CHRNA1: variants seen among roughly 807,000 people sequenced by gnomAD.
The protein encoded by CHRNA1 is acetylcholine receptor subunit alpha.
In CHRNA1, 35 loss-of-function variants were observed where a neutral mutation model predicts 47.1. That is an observed-to-expected ratio of 0.74 (90% CI 0.57 to 0.99). The LOEUF (loss-of-function observed/expected upper bound fraction) is 0.99, where lower values mean the gene tolerates loss of function less well. Ranked by LOEUF, CHRNA1 falls within the 50% of genes least tolerant of loss-of-function variation. The pLI, the probability that CHRNA1 is intolerant of heterozygous loss-of-function variation, is 0.00. For missense variants in CHRNA1, 506 were observed against 591.1 expected, an observed-to-expected ratio of 0.86 and a Z score of 1.49; for synonymous variants, 229 against 223.6, an observed-to-expected ratio of 1.02 and a Z score of -0.22.
At chr2:174,759,449 T>C (rs988366900) in intron 2 of CHRNA1, 39 bp downstream of exon 2, 1 of 1,613,450 alleles carries the variant, frequency 6.2e-7, no homozygotes, top group African/African-American at 1.3e-5. Context: ...GGGTGAGAGG[T>C]GTGGGTGTGT....
At chr2:174,752,606 C>A (rs1683878444) in intron 6 of CHRNA1, 1 of 152,314 alleles carries the variant, frequency 6.6e-6, no homozygotes, top group Non-Finnish European at 1.5e-5. Context: ...AATGCAGTCA[C>A]TGGAACATGC....
chr2:174,758,649 G>A (rs1027324542), intron 3 of CHRNA1, among the ~76,000 whole-genome samples: 19 of 152,096 alleles, frequency 1.2e-4, no homozygotes, highest in South Asian at 4.2e-4. Context: ...TGGGAAAGGA[G>A]TACTCCACCT....
chr2:174,750,197 A>G (rs1437777404), intron 6 of CHRNA1, 28 bp from the exon 7 acceptor site: 3 of 852,242 alleles, frequency 3.5e-6, no homozygotes, highest in Non-Finnish European at 5.5e-6. Flanking sequence ...AAAAAAAAAA[A>G]TCCCACAACT....
At chr2:174,753,030 T>G (rs1041016036) in intron 6 of CHRNA1, 10 of 251,358 alleles carry the variant, frequency 4.0e-5, no homozygotes, top group Non-Finnish European at 7.1e-5. Context: ...GGGTCTTGTG[T>G]GTGAAGATGC....
intron 6 of CHRNA1, 164 bp downstream of exon 6, chr2:174,753,339 G>A: frequency 1.2e-6 from 1 of 800,664 alleles, no homozygotes; most frequent in Non-Finnish European, 2.3e-6. Flanking sequence ...CACTCACAGT[G>A]ACTCTCACCA....
In CHRNA1 at chr2:174,748,597, C is replaced by T. The variant is rs1683782686; in HGVS notation, c.1225G>A (p.Asp409Asn). 6.2e-7 allele frequency: 1 copy of T among 1,612,660 alleles called. No individual in the cohort carries two copies. The highest frequency in any genetic ancestry group is 1.3e-5 in the African/African-American group (1 of 74,910). Residue 409 changes from aspartate (D) to asparagine (N), a missense_variant, in exon 8 of 9, where the codon GAC becomes AAC. Coordinates refer to ENST00000348749, the MANE Select transcript of CHRNA1 (RefSeq NM_000079.4). ...AAGCTTACATTGTTAGACTCCTGGT[C>T]TGACTTCATGGTCTCTGCGATGTAC... ...IKYIAETMKSDQESNNAAAEW... is the reference protein window; with the variant it reads ...IKYIAETMKSNQESNNAAAEW...
In CHRNA1 at chr2:174,750,072, G is replaced by A. The variant is rs772810584; in HGVS notation, c.876C>T (p.Pro292=). The A allele has an allele frequency of 6.2e-7, 1 of 1,613,962 alleles. No homozygotes were observed. Among genetic ancestry groups the A allele is most frequent in the Non-Finnish European group, 8.5e-7 (1 of 1,180,006 alleles). ...ELIPSTSSAV[P]LIGKYMLFTM... is the part of the protein sequence containing the mutation. The stretch of plus-strand genomic sequence containing the variant: ...TGAACAGCATGTATTTTCCAATCAA[G>A]GGCACAGCACTGGACGTGGAGGGGA... The change falls in exon 7 of 9, where the codon CCC becomes CCT. Residue 292 remains proline (P), a synonymous_variant. Coordinates refer to ENST00000348749, the MANE Select transcript of CHRNA1 (RefSeq NM_000079.4).
chr2:174,750,295 A>G, intron 6 of CHRNA1, 126 bp from the exon 7 acceptor site: 2 of 734,192 alleles, frequency 2.7e-6, no homozygotes, highest in Non-Finnish European at 4.6e-6. Flanking sequence ...ATGTGACTGT[A>G]TTTGAAGACA....
chr2:174,748,482 G>C, intron 8 of CHRNA1, 98 bp downstream of exon 8: 1 of 1,500,196 alleles, frequency 6.7e-7, no homozygotes, highest in South Asian at 1.3e-5. Flanking sequence ...GTAGCTGCCT[G>C]TTGTATGCCA....
chr2:174,759,825 G>T (rs926733009), intron 1 of CHRNA1, among the ~76,000 whole-genome samples, 192 bp from the exon 2 acceptor site: 4 of 151,974 alleles, frequency 2.6e-5, no homozygotes, highest in Admixed American at 6.6e-5. Flanking sequence ...TTGCTGGTGT[G>T]GTCCCTTACC....
At position 174,750,072 on chromosome 2, in the gene CHRNA1, G is replaced by T. The variant is rs772810584; in HGVS notation, c.876C>A (p.Pro292=). The T allele has an allele frequency of 6.2e-7, 1 of 1,613,962 alleles. No individual in the cohort carries two copies. Among genetic ancestry groups the T allele is most frequent in the Admixed American group, 1.7e-5 (1 of 59,988 alleles). Residue 292 remains proline, a synonymous_variant, in exon 7 of 9, where the codon CCC becomes CCA. Transcript: ENST00000348749. ...ELIPSTSSAV[P]LIGKYMLFTM... ...TGAACAGCATGTATTTTCCAATCAAGGGCACAGCACTGGACGTGGAGGGGA... is the reference window on the plus strand; with the variant it reads ...TGAACAGCATGTATTTTCCAATCAATGGCACAGCACTGGACGTGGAGGGGA...
At chr2:174,757,506 T>C in intron 4 of CHRNA1, 60 bp downstream of exon 4, 1 of 1,214,670 alleles carries the variant, frequency 8.2e-7, no homozygotes, top group Non-Finnish European at 1.2e-6. Context: ...GCCCTTCTAT[T>C]AGGGCACTTT....
At chr2:174,750,657 G>T (rs1683830307) in intron 6 of CHRNA1, among the ~76,000 whole-genome samples, 1 of 152,100 alleles carries the variant, frequency 6.6e-6, no homozygotes, top group East Asian at 1.9e-4. Flanking sequence ...CATTATTCTG[G>T]GAAATCTCAA....
chr2:174,748,669 G>A lies in CHRNA1; in HGVS notation c.1153C>T (p.Pro385Ser), dbSNP rs751153789. Residue 385 changes from proline to serine, a missense_variant, in exon 8 of 9, where the codon CCC (proline) becomes TCC (serine). By Grantham distance (74) the Pro-to-Ser change is moderately conservative. Coordinates refer to ENST00000348749, the MANE Select transcript of CHRNA1 (RefSeq NM_000079.4). ...TTCACCTCGGGGTGTTTGATCAGGG[G>A]AGAGTGGAAGCCCATGGGTGGAGGC... ...PGPPPMGFHS[P>S]LIKHPEVKSA... The A allele has an allele frequency of 4.3e-6, 7 of 1,614,116 alleles. No homozygotes were observed. Among genetic ancestry groups the A allele is most frequent in the Non-Finnish European group, 5.9e-6 (7 of 1,180,052 alleles).
intron 7 of CHRNA1, among the ~76,000 whole-genome samples, chr2:174,749,298 A>G (rs1683799885): frequency 6.6e-6 from 1 of 152,108 alleles, no homozygotes; most frequent in Non-Finnish European, 1.5e-5. Context: ...CTTTACAGAA[A>G]CAGGGACTCT....
At chr2:174,752,553 G>C (rs1441092588) in intron 6 of CHRNA1, among the ~76,000 whole-genome samples, 1 of 152,162 alleles carries the variant, frequency 6.6e-6, no homozygotes, top group African/African-American at 2.4e-5. Flanking sequence ...CTGGGCAACA[G>C]AGTGAGACCC....
At chr2:174,763,481 A>T (rs1382492353) in intron 1 of CHRNA1, among the ~76,000 whole-genome samples, 2 of 152,208 alleles carry the variant, frequency 1.3e-5, no homozygotes, top group Non-Finnish European at 2.9e-5. Flanking sequence ...CCTCTTGACC[A>T]GAAGGCCTGT....
chr2:174,753,632 G>T lies in CHRNA1; in HGVS notation c.649C>A (p.Pro217Thr). 2 of 1,614,116 alleles carry T rather than the reference G, an allele frequency of 1.2e-6. No homozygotes were observed. The highest frequency in any genetic ancestry group is 1.7e-6 in the Non-Finnish European group (2 of 1,180,008). Residue 217 changes from proline to threonine, a missense_variant, in exon 6 of 9, where the codon CCC (proline) becomes ACC (threonine). Transcript: ENST00000348749. ...SVTYSCCPDT[P>T]YLDITYHFVM... Reference sequence around the variant, plus strand: ...AAGTGGTAGGTGATGTCCAGGTAGGGGGTGTCGGGGCAGCAGGAATAGGTC... The same window carrying T: ...AAGTGGTAGGTGATGTCCAGGTAGGTGGTGTCGGGGCAGCAGGAATAGGTC...
intron 7 of CHRNA1, among the ~76,000 whole-genome samples, 159 bp from the exon 8 acceptor site, chr2:174,748,978 C>T (rs1318967309): frequency 6.6e-6 from 1 of 152,118 alleles, no homozygotes; most frequent in Non-Finnish European, 1.5e-5. Context: ...TAGATTTTTT[C>T]AAAGATCCCT....
Sources: gnomAD v4.1 joint callset for allele counts (sites outside exome capture counted in the v4.1 genomes callset) on GRCh38, gnomAD v4.1.1 for gene constraint, MANE v1.5 for transcripts, NCBI Gene and HGNC (gene_info 2026-07-23, HGNC 2026-07-21) for gene names.